The following PRDM6 variants were observed in gnomAD, a reference collection of about 807,000 sequenced individuals.
PRDM6 encodes the protein putative histone-lysine N-methyltransferase PRDM6.
In PRDM6, 25 loss-of-function variants were observed where a neutral mutation model predicts 60.8. The observed-to-expected ratio is 0.41, with a 90% CI of 0.30 to 0.57. The LOEUF is 0.57. Among genes scored for constraint, PRDM6 ranks in the 20% least tolerant of loss-of-function variants. The pLI is 0.27. For synonymous variants in PRDM6, 407 were observed against 357.4 expected (o/e 1.14, Z -1.57); for missense variants, 839 against 821.3 (o/e 1.02, Z -0.26).
At chr5:123,131,329 T>G (rs375341361) in intron 3 of PRDM6, among the ~76,000 whole-genome samples, 11 of 152,224 alleles carry the variant, frequency 7.2e-5, no homozygotes, top group African/African-American at 2.6e-4. Flanking sequence ...GAAGAGTAGG[T>G]TTGGAATGTT....
chr5:123,109,802 A>T (rs73294721), intron 3 of PRDM6, among the ~76,000 whole-genome samples: 2,907 of 152,298 alleles, frequency 0.019, 82 homozygotes, highest in African/African-American at 0.066. Flanking sequence ...ACCAACTTGC[A>T]AGATGAAAAT....
At chr5:123,151,404 G>A (rs1765366381) in intron 3 of PRDM6, among the ~76,000 whole-genome samples, 1 of 152,118 alleles carries the variant, frequency 6.6e-6, no homozygotes, top group Non-Finnish European at 1.5e-5. Context: ...TTTGTCTGAG[G>A]TCATTAGCTC....
At chr5:123,139,960 A>T (rs1332700320) in intron 3 of PRDM6, among the ~76,000 whole-genome samples, 1 of 152,146 alleles carries the variant, frequency 6.6e-6, no homozygotes, top group Non-Finnish European at 1.5e-5. Flanking sequence ...TGTAGAAAAG[A>T]TGCTGACACA....
intron 3 of PRDM6, among the ~76,000 whole-genome samples, chr5:123,117,994 C>G (rs1426156406): frequency 6.6e-6 from 1 of 152,204 alleles, no homozygotes; most frequent in Non-Finnish European, 1.5e-5. Context: ...TAGAAAGACA[C>G]AGTCCATGAC....
At chr5:123,136,553 T>C (rs1764957260) in intron 3 of PRDM6, among the ~76,000 whole-genome samples, 1 of 152,228 alleles carries the variant, frequency 6.6e-6, no homozygotes, top group Non-Finnish European at 1.5e-5. Flanking sequence ...ATTACACATA[T>C]ATTTTAGCAC....
chr5:123,114,570 T>TA (rs1335070256), intron 3 of PRDM6, among the ~76,000 whole-genome samples: 1 of 152,354 alleles, frequency 6.6e-6, no homozygotes, highest in Admixed American at 6.5e-5. Context: ...ATAGTTCTGC[T>TA]AAAAAATTAA....
intron 5 of PRDM6, among the ~76,000 whole-genome samples, chr5:123,169,568 C>A (rs1459657908): frequency 1.3e-5 from 2 of 152,176 alleles, no homozygotes; most frequent in Admixed American, 1.3e-4. Context: ...GCTCATAGGG[C>A]CGAACATCTA....
chr5:123,151,830 G>A (rs889633703), intron 3 of PRDM6, among the ~76,000 whole-genome samples: 2 of 151,998 alleles, frequency 1.3e-5, no homozygotes, highest in African/African-American at 2.4e-5. Context: ...GTCATAGTGG[G>A]GTTAGTTGTG....
Position 123,090,182 on chromosome 5 carries a change from C to CCG in PRDM6, c.169_170insGC (p.Pro57ArgfsTer67), listed in dbSNP as rs561814679. 8.8e-6 allele frequency: 13 copies of CCG among 1,476,448 alleles called. No individual in the cohort carries two copies. The African/African-American group carries it at 8.8e-5, about 10-fold the overall frequency. The allele number at this position is 1,476,448 out of a possible 1,614,324, so 91.5% of individuals were successfully genotyped here. ...AGCCTCTTCAGCCGCCGCCGCCGCC[C>CCG]CCGCCCCCGGAGCGCGCTGAGCCTC... On this transcript the variant is annotated frameshift_variant, in exon 2 of 8. Coordinates refer to ENST00000407847, the MANE Select transcript of PRDM6 (RefSeq NM_001136239.4). LOFTEE classifies it high-confidence loss of function.
At chr5:123,091,249 A>G (rs1479785044) in intron 2 of PRDM6, among the ~76,000 whole-genome samples, 1 of 151,426 alleles carries the variant, frequency 6.6e-6, no homozygotes, top group Admixed American at 6.6e-5. Context: ...GAAGGAAAAG[A>G]AAAAAAAATG....
At chr5:123,108,077 C>A (rs374646406) in intron 3 of PRDM6, among the ~76,000 whole-genome samples, 53 of 152,202 alleles carry the variant, frequency 3.5e-4, no homozygotes, top group African/African-American at 1.3e-3. Context: ...ATGCTTTTCC[C>A]AGTGCCTCTG....
rs1580536346 is a variant in PRDM6 at position 123,171,226 on chromosome 5, C to G, written c.1496+118C>G. 3 of 818,216 alleles carry G rather than the reference C, an allele frequency of 3.7e-6. No individual in the cohort carries two copies. In the East Asian group the frequency reaches 8.1e-5, roughly 22 times the overall value. The allele number at this position is 818,216 out of a possible 1,614,324, so 50.7% of individuals were successfully genotyped here. On this transcript the variant is annotated intron_variant, in intron 6 of 7. Transcript: ENST00000407847. ...CCCTGTGATTTGTGGTGTCTGCATTCTGGAAGGTCAGAGAGAAATGCAAGA... is the reference window on the plus strand; with the variant it reads ...CCCTGTGATTTGTGGTGTCTGCATTGTGGAAGGTCAGAGAGAAATGCAAGA...
intron 2 of PRDM6, among the ~76,000 whole-genome samples, chr5:123,098,226 C>T (rs1207438034): frequency 6.6e-6 from 1 of 152,252 alleles, no homozygotes; most frequent in Non-Finnish European, 1.5e-5. Flanking sequence ...GCCCCGAGGG[C>T]CACCCGCCGC....
At chr5:123,158,834 T>C (rs570139360) in intron 4 of PRDM6, among the ~76,000 whole-genome samples, 34 of 152,160 alleles carry the variant, frequency 2.2e-4, no homozygotes, top group African/African-American at 7.0e-4. Flanking sequence ...TTTTAATCTG[T>C]AGGTTTTTTT....
chr5:123,186,355 C>T (rs1260262542), intron 7 of PRDM6, among the ~76,000 whole-genome samples: 4 of 152,188 alleles, frequency 2.6e-5, no homozygotes, highest in South Asian at 2.1e-4. Flanking sequence ...CTCTAGATTA[C>T]AGTCTTTTTT....
chr5:123,115,510 C>T (rs934268163), intron 3 of PRDM6, among the ~76,000 whole-genome samples: 2 of 152,082 alleles, frequency 1.3e-5, no homozygotes, highest in African/African-American at 2.4e-5. Context: ...TTTTTCCTCA[C>T]TTTAATTATG....
At chr5:123,118,741 C>T (rs796242800) in intron 3 of PRDM6, among the ~76,000 whole-genome samples, 9 of 152,268 alleles carry the variant, frequency 5.9e-5, no homozygotes, top group African/African-American at 2.2e-4. Flanking sequence ...AGAGAGCAAA[C>T]AAGTATGGGT....
At chr5:123,137,558 A>G (rs1320330284) in intron 3 of PRDM6, among the ~76,000 whole-genome samples, 2 of 152,312 alleles carry the variant, frequency 1.3e-5, no homozygotes, top group Non-Finnish European at 2.9e-5. Context: ...CCAACACTGC[A>G]TGTTCTCACT....
chr5:123,096,879 A>G (rs1191220706), intron 2 of PRDM6, among the ~76,000 whole-genome samples: 1 of 152,144 alleles, frequency 6.6e-6, no homozygotes, highest in African/African-American at 2.4e-5. Flanking sequence ...CTTTTTGTCT[A>G]TGGAGGTAGT....
Sources: allele counts gnomAD v4.1 joint callset (sites outside exome capture counted in the v4.1 genomes callset), GRCh38; gene constraint gnomAD v4.1.1; transcripts MANE v1.5; gene names NCBI Gene and HGNC (gene_info 2026-07-23, HGNC 2026-07-21).